Variants in ZNF571 observed in about 807,000 individuals in gnomAD.
The protein encoded by ZNF571 is zinc finger protein 571.
Under a neutral mutation model 7.7 loss-of-function variants are expected in ZNF571, and 4 were observed. The observed-to-expected ratio is 0.52, with a 90% CI of 0.25 to 1.18. The LOEUF is 1.18. Ranked by LOEUF, ZNF571 falls within the 50% of genes most tolerant of loss-of-function variation. The probability of loss-of-function intolerance (pLI) is 0.14; values close to 1 mark genes in which losing one functional copy is unlikely to be tolerated. For missense variants in ZNF571, 704 were observed against 726.9 expected (o/e 0.97, Z 0.36); for synonymous variants, 251 against 232.4 (o/e 1.08, Z -0.73).
intron 3 of ZNF571, among the ~76,000 whole-genome samples, chr19:37,583,261 G>T (rs1293519499): frequency 1.3e-5 from 2 of 152,182 alleles, no homozygotes; most frequent in Non-Finnish European, 2.9e-5. Context: ...GTATGTGCTG[G>T]CTAGAGATAC....
chr19:37,593,065 T>C (rs183615574), intron 1 of ZNF571, among the ~76,000 whole-genome samples: 34 of 152,170 alleles, frequency 2.2e-4, no homozygotes, highest in Non-Finnish European at 3.7e-4. Flanking sequence ...GATTATGAAA[T>C]AACCACCACG....
At chr19:37,578,593 G>A (rs1045652703) in intron 3 of ZNF571, among the ~76,000 whole-genome samples, 2 of 152,182 alleles carry the variant, frequency 1.3e-5, no homozygotes, top group African/African-American at 4.8e-5. Flanking sequence ...AGTGCTGAGG[G>A]GCGGTCAGAA....
chr19:37,589,200 C>CAAAAAAAAAAAAAA (rs35689698), intron 1 of ZNF571, among the ~76,000 whole-genome samples: 2 of 108,904 alleles, frequency 1.8e-5, no homozygotes, highest in Non-Finnish European at 1.8e-5. Flanking sequence ...AACTCCGTCT[C>CAAAAAAAAAAAAAA]AAAAAAAAAA....
intron 1 of ZNF571, among the ~76,000 whole-genome samples, chr19:37,588,611 T>C (rs1260627409): frequency 6.6e-6 from 1 of 152,220 alleles, no homozygotes; most frequent in Admixed American, 6.5e-5. Context: ...TCAGGTATCC[T>C]GCTCACTACC....
Position 37,572,816 on chromosome 19 carries a change from A to G in ZNF571, c.137-6525T>C, listed in dbSNP as rs144670053. Among the ~76,000 whole-genome samples the G allele has an allele frequency of 2.0e-3, 303 of 152,316 alleles. 1 individual carries two copies. The highest frequency in any genetic ancestry group is 7.0e-3 in the African/African-American group (293 of 41,570). On this transcript the variant is annotated intron_variant, in intron 3 of 3. Coordinates refer to ENST00000451802, the MANE Select transcript of ZNF571 (RefSeq NM_016536.5). Reference sequence around the variant, plus strand: ...TTTTACTTACCAACTTATTTTTACCAATTACTATAACTATTTACAAAAATA... The same window carrying G: ...TTTTACTTACCAACTTATTTTTACCGATTACTATAACTATTTACAAAAATA...
intron 3 of ZNF571, among the ~76,000 whole-genome samples, chr19:37,580,219 A>G (rs901526074): frequency 6.6e-6 from 1 of 152,212 alleles, no homozygotes; most frequent in Admixed American, 6.5e-5. Context: ...TCCTGCTGAC[A>G]GTTGGAGGCC....
chr19:37,588,163 T>C (rs371645025), intron 1 of ZNF571, among the ~76,000 whole-genome samples: 1 of 111,128 alleles, frequency 9.0e-6, no homozygotes, highest in East Asian at 2.5e-4. Context: ...TAAAATGATA[T>C]AAAGATGTTA....
chr19:37,591,795 C>G (rs1252400427), intron 1 of ZNF571, among the ~76,000 whole-genome samples: 1 of 152,098 alleles, frequency 6.6e-6, no homozygotes, highest in Non-Finnish European at 1.5e-5. Context: ...TCGCCTGCCT[C>G]GGCCTCCCAA....
chr19:37,567,638 T>C (rs1206050420), intron 3 of ZNF571: 2 of 152,218 alleles, frequency 1.3e-5, no homozygotes. Context: ...TGCTGTTCCA[T>C]CTGCCAAGAA....
chr19:37,579,214 C>A (rs1275085158), intron 3 of ZNF571, among the ~76,000 whole-genome samples: 1 of 152,252 alleles, frequency 6.6e-6, no homozygotes, highest in African/African-American at 2.4e-5. Context: ...TAGCCAGCAC[C>A]TGAACTCTGG....
intron 3 of ZNF571, among the ~76,000 whole-genome samples, chr19:37,582,482 T>C (rs2043506000): frequency 6.6e-6 from 1 of 152,192 alleles, no homozygotes; most frequent in Admixed American, 6.5e-5. Flanking sequence ...CATGGTTCAG[T>C]CCTTGAGCTG....
chr19:37,573,830 T>A (rs2043149736), intron 3 of ZNF571, among the ~76,000 whole-genome samples: 1 of 149,916 alleles, frequency 6.7e-6, no homozygotes, highest in Non-Finnish European at 1.5e-5. Context: ...GAGATCCTGT[T>A]TCAAAAAAAA....
At position 37,586,705 on chromosome 19, in the gene ZNF571, G is replaced by A. The variant is rs374508337; in HGVS notation, c.-29C>T. The A allele has an allele frequency of 4.6e-5, 75 of 1,613,802 alleles. No homozygotes were observed. Among genetic ancestry groups the A allele is most frequent in the Non-Finnish European group, 6.2e-5 (73 of 1,179,916 alleles). ...TTTTTAGAACTGATCAATTTTCTGG[G>A]TTCTTCTCCTGGAGGTGTGCAAAGT... On this transcript the variant is annotated 5_prime_UTR_variant, in exon 2 of 4. Transcript: ENST00000451802.
chr19:37,566,347 T>C (rs1288275444), intron 3 of ZNF571, 56 bp from the exon 4 acceptor site: 1 of 1,524,168 alleles, frequency 6.6e-7, no homozygotes, highest in African/African-American at 1.4e-5. Flanking sequence ...GAAATAAAAA[T>C]TCTATGGTAA....
intron 2 of ZNF571, chr19:37,585,314 A>C (rs531030150): frequency 1.3e-5 from 2 of 152,350 alleles, no homozygotes; most frequent in Middle Eastern, 6.8e-3. Context: ...TTGCTTAAAT[A>C]TAATTACTTT....
chr19:37,589,448 C>CA (rs995044353), intron 1 of ZNF571, among the ~76,000 whole-genome samples: 3 of 150,316 alleles, frequency 2.0e-5, no homozygotes, highest in African/African-American at 4.9e-5. Context: ...AAGAGAAAGA[C>CA]AAAAAAATCA....
At chr19:37,580,955 T>C (rs1031773183) in intron 3 of ZNF571, among the ~76,000 whole-genome samples, 1 of 152,254 alleles carries the variant, frequency 6.6e-6, no homozygotes, top group Non-Finnish European at 1.5e-5. Context: ...TTAGTTCCAC[T>C]ATAACACTTT....
intron 1 of ZNF571, among the ~76,000 whole-genome samples, chr19:37,589,490 A>G (rs911500493): frequency 1.3e-5 from 2 of 152,066 alleles, no homozygotes; most frequent in African/African-American, 2.4e-5. Flanking sequence ...CAATTCATAA[A>G]AAAAAAGTCA....
chr19:37,564,670 A>C lies in ZNF571; in HGVS notation c.1758T>G (p.Tyr586Ter). The C allele has an allele frequency of 6.2e-7, 1 of 1,613,192 alleles. No individual in the cohort carries two copies. Among genetic ancestry groups the C allele is most frequent in the South Asian group, 1.1e-5 (1 of 90,978 alleles). ...AGTCTTTACCACACTGGACACATGT[A>C]TAGGGTTTCTCACCAGTATGGATCC... ...HQRIHTGEKP[Y>*]TCVQCGKDFR... The change falls in exon 4 of 4, where the codon TAT becomes TAG. Residue 586 changes from tyrosine to a stop codon, truncating the protein, a stop_gained. Transcript: ENST00000451802. LOFTEE classifies it low-confidence loss of function (END_TRUNC).
Sources: allele counts gnomAD v4.1 joint callset (sites outside exome capture counted in the v4.1 genomes callset), GRCh38; gene constraint gnomAD v4.1.1; transcripts MANE v1.5; gene names NCBI Gene and HGNC (gene_info 2026-07-23, HGNC 2026-07-21).